Variants in CCS observed in about 807,000 individuals in gnomAD.
CCS encodes copper chaperone for superoxide dismutase, also known as superoxide dismutase copper chaperone.
CCS carries 32 observed loss-of-function variants against 35.5 expected under a neutral mutation model. The observed-to-expected ratio is 0.90, with a 90% CI of 0.68 to 1.21. The LOEUF (loss-of-function observed/expected upper bound fraction) is 1.21, where lower values mean the gene tolerates loss of function less well. CCS is among the 50% of genes most tolerant of loss of function. The pLI is 0.00. For synonymous variants in CCS, 130 were observed against 147.2 expected (o/e 0.88, Z 0.84); for missense variants, 342 against 375.4 (o/e 0.91, Z 0.73).
chr11:66,605,369 G>A lies in CCS; in HGVS notation c.520G>A (p.Asp174Asn). Residue 174 changes from aspartate to asparagine, a missense_variant, in exon 6 of 8, where the codon GAT becomes AAT. Coordinates refer to ENST00000533244, the MANE Select transcript of CCS (RefSeq NM_005125.2). Reference protein sequence around the residue: ...HRGDLGNVRADADGRAIFRME... With the variant: ...HRGDLGNVRANADGRAIFRME... Reference sequence around the variant, plus strand: ...CGGAGACCTGGGCAATGTCCGTGCTGATGCTGACGGCCGCGCCATCTTCAG... The same window carrying A: ...CGGAGACCTGGGCAATGTCCGTGCTAATGCTGACGGCCGCGCCATCTTCAG... 1 of 1,614,190 alleles carries A rather than the reference G, an allele frequency of 6.2e-7. No individual in the cohort carries two copies. The highest frequency in any genetic ancestry group is 8.5e-7 in the Non-Finnish European group (1 of 1,180,034).
At chr11:66,604,050 A>AT (rs1363054079) in intron 5 of CCS, among the ~76,000 whole-genome samples, 107 of 134,218 alleles carry the variant, frequency 8.0e-4, no homozygotes, top group African/African-American at 2.4e-3. Context: ...AAATAAATAA[A>AT]TAAATTAATT....
At chr11:66,596,787 A>G (rs900472495) in intron 2 of CCS, among the ~76,000 whole-genome samples, 5 of 152,200 alleles carry the variant, frequency 3.3e-5, no homozygotes. Context: ...AATGTGAATT[A>G]CAGGAGGGGG....
At position 66,605,585 on chromosome 11, in the gene CCS, G is replaced by C. The variant is rs576527998; in HGVS notation, c.664G>C (p.Gly222Arg). The part of the protein sequence containing the change: ...HPLSKITGNS[G>R]ERLACGIIAR... ...CTTATCCAAGATCACAGGGAACTCC[G>C]GGGAGAGGTGAGTGGTGTCGGCCCC... Residue 222 changes from glycine to arginine, a missense_variant, in exon 7 of 8, where the codon GGG (glycine) becomes CGG (arginine). Coordinates refer to ENST00000533244, the MANE Select transcript of CCS (RefSeq NM_005125.2). 2 of 1,613,392 alleles carry C rather than the reference G, an allele frequency of 1.2e-6. No homozygotes were observed. The highest frequency in any genetic ancestry group is 1.7e-6 in the Non-Finnish European group (2 of 1,179,680).
At position 66,599,256 on chromosome 11, in the gene CCS, G is replaced by C. The variant is rs1858531992; in HGVS notation, c.250+3G>C. 6.3e-7 allele frequency: 1 copy of C among 1,598,366 alleles called. No individual in the cohort carries two copies. Among genetic ancestry groups the C allele is most frequent in the African/African-American group, 1.3e-5 (1 of 74,304 alleles). On this transcript the variant is annotated splice_donor_region_variant and intron_variant, in intron 3 of 7. Coordinates refer to ENST00000533244, the MANE Select transcript of CCS (RefSeq NM_005125.2). ...GGGCATGGGCAGCGGCCAGTTGCGT[G>C]AGTGACCACTGTGGCCTTGGCCCCT... is the stretch of plus-strand genomic sequence containing the variant.
chr11:66,600,318 G>C, intron 4 of CCS, 171 bp from the exon 5 acceptor site: 1 of 423,564 alleles, frequency 2.4e-6, no homozygotes, highest in Non-Finnish European at 4.2e-6. Flanking sequence ...TTCAGGACAG[G>C]ACCCATGTCT....
intron 6 of CCS, 35 bp from the exon 7 acceptor site, chr11:66,605,454 G>T (rs1361371452): frequency 6.2e-7 from 1 of 1,613,728 alleles, no homozygotes; most frequent in Non-Finnish European, 8.5e-7. Context: ...TTCCTAACAG[G>T]GTCCATCATC....
chr11:66,594,730 G>A (rs1464906008), intron 2 of CCS, among the ~76,000 whole-genome samples: 3 of 147,630 alleles, frequency 2.0e-5, no homozygotes, highest in Non-Finnish European at 3.0e-5. Flanking sequence ...GAGTTGGATC[G>A]CTCCACTGCA....
chr11:66,599,321 A>G, intron 3 of CCS, 68 bp downstream of exon 3: 1 of 1,516,290 alleles, frequency 6.6e-7, no homozygotes, highest in South Asian at 1.3e-5. Context: ...AAATCTAATC[A>G]TAGGATTCTC....
chr11:66,596,056 C>T (rs1434705051), intron 2 of CCS, among the ~76,000 whole-genome samples: 1 of 152,174 alleles, frequency 6.6e-6, no homozygotes, highest in Non-Finnish European at 1.5e-5. Flanking sequence ...CTTCTGTTGC[C>T]CCCTCTAATA....
chr11:66,599,682 T>C, intron 4 of CCS, 46 bp downstream of exon 4: 2 of 1,558,908 alleles, frequency 1.3e-6, no homozygotes, highest in Non-Finnish European at 8.8e-7. Context: ...GCTACACATT[T>C]TCACACTGGG....
Position 66,601,897 on chromosome 11 carries a change from T to A in CCS, c.489+1348T>A, listed in dbSNP as rs369910769. Among the ~76,000 whole-genome samples the A allele has an allele frequency of 7.8e-4, 119 of 152,216 alleles. 3 individuals carry two copies. The South Asian group carries it at 0.024, about 31-fold the overall frequency. ...TCTGCCACATTTTTTTTTTTTCTTT[T>A]TCTTTTTTTTATTTTTAGTAGAAAC... is the stretch of plus-strand genomic sequence containing the variant. On this transcript the variant is annotated intron_variant, in intron 5 of 7. Transcript: ENST00000533244.
intron 5 of CCS, among the ~76,000 whole-genome samples, chr11:66,603,789 T>C (rs954626177): frequency 1.3e-5 from 2 of 151,944 alleles, no homozygotes; most frequent in Non-Finnish European, 2.9e-5. Context: ...GAGCTTGCAG[T>C]GAGCCGAGGT....
intron 5 of CCS, chr11:66,605,115 AG>A: frequency 6.6e-7 from 1 of 1,512,790 alleles, no homozygotes; most frequent in Non-Finnish European, 8.8e-7. Flanking sequence ...GGGAGTGTTC[AG>A]ATGGTCCGGG....
chr11:66,605,059 T>C, intron 5 of CCS: 1 of 1,331,806 alleles, frequency 7.5e-7, no homozygotes, highest in Non-Finnish European at 9.9e-7. Context: ...TTCCACTGGC[T>C]CTTTTCAGCC....
chr11:66,599,127 G>A lies in CCS; in HGVS notation c.124G>A (p.Val42Met). 6.2e-7 allele frequency: 1 copy of A among 1,614,168 alleles called. No individual in the cohort carries two copies. The highest frequency in any genetic ancestry group is 2.2e-5 in the East Asian group (1 of 44,876). The stretch of plus-strand genomic sequence containing the variant: ...CTCTTTCTTGCCAGGTGTCCAGGAT[G>A]TGGAGGTGCACTTGGAGGACCAGAT... Reference protein sequence around the residue: ...SLQGVAGVQDVEVHLEDQMVL... With the variant: ...SLQGVAGVQDMEVHLEDQMVL... Residue 42 changes from valine to methionine, a missense_variant, in exon 3 of 8, where the codon GTG becomes ATG. Val to Met is a conservative substitution (Grantham distance 21, BLOSUM62 1). Transcript: ENST00000533244.
intron 5 of CCS, among the ~76,000 whole-genome samples, chr11:66,601,534 CT>C (rs1411319702): frequency 6.6e-6 from 1 of 151,974 alleles, no homozygotes; most frequent in Non-Finnish European, 1.5e-5. Flanking sequence ...TTCTTTTCTT[CT>C]GTTTCTTTTC....
Position 66,605,376 on chromosome 11 carries a change from A to C in CCS, c.527A>C (p.Asp176Ala). 1 of 1,614,166 alleles carries C rather than the reference A, an allele frequency of 6.2e-7. No individual in the cohort carries two copies. The highest frequency in any genetic ancestry group is 1.3e-5 in the African/African-American group (1 of 75,058). The change falls in exon 6 of 8, where the codon GAC becomes GCC. Residue 176 changes from aspartate (D) to alanine (A), a missense_variant. Physicochemically the swap from Asp to Ala is moderately radical, Grantham distance 126 (BLOSUM62 -2). Coordinates refer to ENST00000533244, the MANE Select transcript of CCS (RefSeq NM_005125.2). The stretch of plus-strand genomic sequence containing the variant: ...CTGGGCAATGTCCGTGCTGATGCTG[A>C]CGGCCGCGCCATCTTCAGAATGGAG... ...GDLGNVRADA[D>A]GRAIFRMEDE...
chr11:66,600,584 A>T (rs1858558541), intron 5 of CCS, 35 bp downstream of exon 5: 2 of 1,291,828 alleles, frequency 1.5e-6, no homozygotes, highest in Middle Eastern at 1.9e-4. Flanking sequence ...TTGGGCTGAG[A>T]GAGGACCCAA....
At position 66,605,972 on chromosome 11, in the gene CCS, C is replaced by A. The variant is rs958398936; in HGVS notation, c.*117C>A. 1.3e-5 allele frequency: 14 copies of A among 1,090,380 alleles called. No individual in the cohort carries two copies. Among genetic ancestry groups the A allele is most frequent in the Non-Finnish European group, 1.7e-5 (14 of 817,784 alleles). The allele number at this position is 1,090,380 out of a possible 1,614,324, so 67.5% of individuals were successfully genotyped here. A position where few individuals can be genotyped will look rare whatever the true frequency, so the allele number is the denominator to read the frequency against. The stretch of plus-strand genomic sequence containing the variant: ...TGGAGAGCTCAGTACAGGGCAGGAG[C>A]TGCTGTGGTGTTCCCTTGGCAAATG... On this transcript the variant is annotated 3_prime_UTR_variant, in exon 8 of 8. Coordinates refer to ENST00000533244, the MANE Select transcript of CCS (RefSeq NM_005125.2).
Sources: allele counts gnomAD v4.1 joint callset (sites outside exome capture counted in the v4.1 genomes callset), GRCh38; gene constraint gnomAD v4.1.1; transcripts MANE v1.5; gene names NCBI Gene and HGNC (gene_info 2026-07-23, HGNC 2026-07-21).